The following DNAH8 variants were observed in gnomAD, a reference collection of about 807,000 sequenced individuals.
DNAH8 encodes the protein dynein axonemal heavy chain 8.
In DNAH8, 382 loss-of-function variants were observed where a neutral mutation model predicts 562.1. The ratio of observed to expected loss-of-function variants is 0.68; its 90% CI spans 0.63 to 0.74. The LOEUF is 0.74. Among genes scored for constraint, DNAH8 ranks in the 30% least tolerant of loss-of-function variants. The pLI is 0.00. For missense variants in DNAH8, 5,203 were observed against 5,620.4 expected, an observed-to-expected ratio of 0.93 and a Z score of 2.37; for synonymous variants, 1,881 against 1,919.4, an observed-to-expected ratio of 0.98 and a Z score of 0.52.
chr6:38,786,627 C>A, intron 17 of DNAH8, 138 bp from the exon 18 acceptor site: 1 of 781,650 alleles, frequency 1.3e-6, no homozygotes. Context: ...GACGCTGTGC[C>A]TTAGCACCTG....
rs12526772 is a variant in DNAH8 at position 38,813,907 on chromosome 6, T to C, written c.3258-147T>C. Reference sequence around the variant, plus strand: ...TGTATTTTCTTAGTTCTCTGCAATTTAGGGTTCTGTTATAAGTAATATTCT... The same window carrying C: ...TGTATTTTCTTAGTTCTCTGCAATTCAGGGTTCTGTTATAAGTAATATTCT... On this transcript the variant is annotated intron_variant, in intron 24 of 92. Coordinates refer to ENST00000327475, the MANE Select transcript of DNAH8 (RefSeq NM_001206927.2). The C allele has an allele frequency of 0.13, 83,572 of 665,432 alleles. 6,243 individuals carry two copies. The highest frequency in any genetic ancestry group is 0.23 in the Admixed American group (7,635 of 33,672). The allele number at this position is 665,432 out of a possible 1,614,324, so 41.2% of individuals were successfully genotyped here. A position where few individuals can be genotyped will look rare whatever the true frequency, so the allele number is the denominator to read the frequency against.
chr6:38,982,563 C>G (rs1259169334), intron 86 of DNAH8, 101 bp downstream of exon 86: 2 of 692,032 alleles, frequency 2.9e-6, no homozygotes, highest in African/African-American at 3.6e-5. Flanking sequence ...TTGCTGAGCC[C>G]CATGGAGCCC....
Position 38,790,338 on chromosome 6 carries a change from T to C in DNAH8, c.2714T>C (p.Leu905Ser), listed in dbSNP as rs749774007. 6.2e-7 allele frequency: 1 copy of C among 1,609,054 alleles called. No individual in the cohort carries two copies. The highest frequency in any genetic ancestry group is 8.5e-7 in the Non-Finnish European group (1 of 1,178,764). The change falls in exon 20 of 93, where the codon TTA (leucine) becomes TCA (serine). Residue 905 changes from leucine to serine, a missense_variant. By Grantham distance (145) the Leu-to-Ser change is moderately radical (BLOSUM62 -2). Coordinates refer to ENST00000327475, the MANE Select transcript of DNAH8 (RefSeq NM_001206927.2). The stretch of plus-strand genomic sequence containing the variant: ...CTCACAGTGTTAACATGGTCGTCTT[T>C]AACACTGGAAAGCTTCTTTCAAGAA... ...QGLTVLTWSSLTLESFFQEVE... is the reference protein window; with the variant it reads ...QGLTVLTWSSSTLESFFQEVE...
intron 77 of DNAH8, among the ~76,000 whole-genome samples, chr6:38,936,079 T>C (rs888300836): frequency 6.6e-6 from 1 of 151,244 alleles, no homozygotes; most frequent in African/African-American, 2.4e-5. Context: ...CCAGACGTGG[T>C]GGCTCATGCT....
At chr6:38,984,629 A>G (rs1764258330) in intron 87 of DNAH8, among the ~76,000 whole-genome samples, 1 of 152,096 alleles carries the variant, frequency 6.6e-6, no homozygotes, top group South Asian at 2.1e-4. Flanking sequence ...CGTATCTACT[A>G]AAAATACAAA....
intron 32 of DNAH8, among the ~76,000 whole-genome samples, chr6:38,835,361 T>A (rs1386372074): frequency 6.6e-6 from 1 of 150,774 alleles, no homozygotes; most frequent in African/African-American, 2.4e-5. Flanking sequence ...TGTGGCTTGC[T>A]CAGGAGAAAT....
At chr6:38,927,361 T>C (rs147381425) in intron 74 of DNAH8, among the ~76,000 whole-genome samples, 1,961 of 152,310 alleles carry the variant, frequency 0.013, 36 homozygotes, top group Middle Eastern at 0.037. Flanking sequence ...CAAGTGGATA[T>C]AGCCCAGTGC....
chr6:38,915,438 A>T lies in DNAH8; in HGVS notation c.10140+61A>T, dbSNP rs948525133. ...CCTAGAAGGCTTCATGTTTCATTACATGAAATTAACTCATCAGAAAACTGA... is the reference window on the plus strand; with the variant it reads ...CCTAGAAGGCTTCATGTTTCATTACTTGAAATTAACTCATCAGAAAACTGA... On this transcript the variant is annotated intron_variant, in intron 68 of 92. Coordinates refer to ENST00000327475, the MANE Select transcript of DNAH8 (RefSeq NM_001206927.2). The T allele has an allele frequency of 2.5e-5, 33 of 1,313,354 alleles. No individual in the cohort carries two copies. The African/African-American group carries it at 5.0e-4, about 20-fold the overall frequency. The allele number at this position is 1,313,354 out of a possible 1,614,324, so 81.4% of individuals were successfully genotyped here.
At chr6:38,872,489 A>C in intron 49 of DNAH8, 47 bp from the exon 50 acceptor site, 1 of 1,588,632 alleles carries the variant, frequency 6.3e-7, no homozygotes, top group Non-Finnish European at 8.6e-7. Context: ...GAATGTCAGC[A>C]AGAGACTCAT....
chr6:38,984,723 G>A (rs1316505713), intron 87 of DNAH8, among the ~76,000 whole-genome samples: 5 of 152,102 alleles, frequency 3.3e-5, no homozygotes, highest in Admixed American at 2.0e-4. Context: ...CCTGGGAGGC[G>A]GAGGTTGCAG....
At chr6:38,842,019 C>T (rs911292534) in intron 33 of DNAH8, among the ~76,000 whole-genome samples, 9 of 152,152 alleles carry the variant, frequency 5.9e-5, no homozygotes, top group Admixed American at 2.0e-4. Flanking sequence ...AAACCTTAGC[C>T]GCAGCTATGA....
intron 85 of DNAH8, among the ~76,000 whole-genome samples, chr6:38,981,158 A>G (rs996274718): frequency 1.3e-5 from 2 of 151,854 alleles, no homozygotes; most frequent in African/African-American, 4.8e-5. Context: ...TAGGGATTCT[A>G]CTCTCCACAT....
At chr6:38,801,545 A>G (rs1770777982) in intron 21 of DNAH8, among the ~76,000 whole-genome samples, 1 of 152,256 alleles carries the variant, frequency 6.6e-6, no homozygotes, top group South Asian at 2.1e-4. Context: ...CCAATCTGCC[A>G]TGATCAGCTG....
intron 88 of DNAH8, among the ~76,000 whole-genome samples, chr6:39,005,218 C>T (rs184722620): frequency 2.5e-4 from 38 of 152,202 alleles, no homozygotes; most frequent in Non-Finnish European, 4.1e-4. Context: ...TCAAGACCAG[C>T]CTTGCCAAAA....
rs182639682 is a variant in DNAH8 at position 39,023,204 on chromosome 6, G to A, written c.13715-3342G>A. On this transcript the variant is annotated intron_variant, in intron 91 of 92. Transcript: ENST00000327475. The stretch of plus-strand genomic sequence containing the variant: ...GTTTAGGAATTATTAAAACTAAATT[G>A]TGCCAGCCAGGGGTGCAGTGGCTCA... Among the ~76,000 whole-genome samples, 1,431 of 152,240 alleles carry A rather than the reference G, an allele frequency of 9.4e-3. 29 individuals are homozygous for A. Among genetic ancestry groups the A allele is most frequent in the African/African-American group, 0.032 (1,311 of 41,534 alleles).
At chr6:38,819,843 G>A (rs1300023683) in intron 26 of DNAH8, among the ~76,000 whole-genome samples, 1 of 152,048 alleles carries the variant, frequency 6.6e-6, no homozygotes, top group Non-Finnish European at 1.5e-5. Context: ...TACAATTAAT[G>A]TATAATAGAA....
chr6:38,744,670 G>T (rs988881366), intron 8 of DNAH8, among the ~76,000 whole-genome samples: 3 of 151,998 alleles, frequency 2.0e-5, no homozygotes, highest in Non-Finnish European at 4.4e-5. Context: ...ATGATTCACT[G>T]CACGCTCGAC....
chr6:38,748,997 G>T (rs1379133192), intron 8 of DNAH8, among the ~76,000 whole-genome samples: 1 of 151,918 alleles, frequency 6.6e-6, no homozygotes, highest in Non-Finnish European at 1.5e-5. Flanking sequence ...TCTCAGCATT[G>T]ACCAGATCAC....
At chr6:38,836,186 C>T (rs552032103) in intron 32 of DNAH8, among the ~76,000 whole-genome samples, 1 of 152,222 alleles carries the variant, frequency 6.6e-6, no homozygotes, top group African/African-American at 2.4e-5. Context: ...GAGCGGATGA[C>T]CTTGTTTTCA....
Sources: allele counts gnomAD v4.1 joint callset (sites outside exome capture counted in the v4.1 genomes callset), GRCh38; gene constraint gnomAD v4.1.1; transcripts MANE v1.5; gene names NCBI Gene and HGNC (gene_info 2026-07-23, HGNC 2026-07-21).